FREM1: variants seen among roughly 807,000 people sequenced by gnomAD.
The protein encoded by FREM1 is FRAS1-related extracellular matrix protein 1.
Under a neutral mutation model 210.1 loss-of-function variants are expected in FREM1, and 220 were observed. The ratio of observed to expected loss-of-function variants is 1.05; its 90% CI spans 0.94 to 1.17. The LOEUF is 1.17. FREM1 is among the 50% of genes most tolerant of loss of function. The pLI, the probability that FREM1 is intolerant of heterozygous loss-of-function variation, is 0.00. For missense variants in FREM1, 3,454 were observed against 2,675.5 expected, an observed-to-expected ratio of 1.29 and a Z score of -6.42; for synonymous variants, 1,189 against 980.2, an observed-to-expected ratio of 1.21 and a Z score of -3.98.
At chr9:14,793,148 T>C (rs1851722624) in intron 21 of FREM1, among the ~76,000 whole-genome samples, 1 of 152,232 alleles carries the variant, frequency 6.6e-6, no homozygotes, top group African/African-American at 2.4e-5. Flanking sequence ...TACCAAACTT[T>C]ACAATTTTGT....
In FREM1 at chr9:14,737,851, T is replaced by A. The variant is rs80244712; in HGVS notation, c.6341-256A>T. 4.3e-3 allele frequency among the ~76,000 whole-genome samples: 656 copies of A among 152,316 alleles called. 3 individuals carry two copies. The highest frequency in any genetic ancestry group is 0.014 in the African/African-American group (599 of 41,568). On this transcript the variant is annotated intron_variant, in intron 36 of 36. Transcript: ENST00000380880. The stretch of plus-strand genomic sequence containing the variant: ...CTCTCTGAGTTTCAGTTTCCTCATC[T>A]AAGGAATGGGCATAAAAATAGTACA...
At chr9:14,881,193 C>A (rs139025416) in intron 1 of FREM1, among the ~76,000 whole-genome samples, 83 of 152,302 alleles carry the variant, frequency 5.4e-4, no homozygotes, top group African/African-American at 1.9e-3. Context: ...TGAAACCCCA[C>A]GGATATCTTG....
chr9:14,894,746 T>C (rs894596076), intron 1 of FREM1, among the ~76,000 whole-genome samples: 2 of 152,250 alleles, frequency 1.3e-5, no homozygotes, highest in African/African-American at 4.8e-5. Flanking sequence ...AGCATGTTTG[T>C]TTCTCTCTAC....
At chr9:14,830,686 T>C (rs1823394048) in intron 10 of FREM1, among the ~76,000 whole-genome samples, 1 of 152,174 alleles carries the variant, frequency 6.6e-6, no homozygotes, top group African/African-American at 2.4e-5. Context: ...TTCTGTCTTC[T>C]CCCTTCCTTC....
At chr9:14,846,298 G>T (rs968450795) in intron 7 of FREM1, among the ~76,000 whole-genome samples, 3 of 152,168 alleles carry the variant, frequency 2.0e-5, no homozygotes, top group African/African-American at 7.2e-5. Flanking sequence ...TCATAAGTGG[G>T]AGCTGAACAA....
Position 14,801,666 on chromosome 9 carries a change from T to A in FREM1, c.3680A>T (p.Glu1227Val). Residue 1227 changes from glutamate to valine, a missense_variant, in exon 20 of 37, where the codon GAA becomes GTA. Physicochemically the swap from Glu to Val is moderately radical, Grantham distance 121. Coordinates refer to ENST00000380880, the MANE Select transcript of FREM1 (RefSeq NM_001379081.2). The stretch of plus-strand genomic sequence containing the variant: ...ACATGCTATACCAGTCTTGAGGAGT[T>A]CCATGGAAAAGCTGTGAACAGGTGC... ...KHAPVHSFSM[E>V]LLKTGMRLTY... 6.2e-7 allele frequency: 1 copy of A among 1,611,390 alleles called. No homozygotes were observed. Among genetic ancestry groups the A allele is most frequent in the Non-Finnish European group, 8.5e-7 (1 of 1,177,528 alleles).
chr9:14,822,012 T>C (rs139871991), intron 13 of FREM1, among the ~76,000 whole-genome samples: 2 of 152,272 alleles, frequency 1.3e-5, no homozygotes, highest in Admixed American at 1.3e-4. Flanking sequence ...AACTGAATCA[T>C]AGGGGCAGTT....
At chr9:14,878,801 A>G (rs1834253353) in intron 1 of FREM1, among the ~76,000 whole-genome samples, 1 of 152,184 alleles carries the variant, frequency 6.6e-6, no homozygotes, top group Admixed American at 6.5e-5. Context: ...ACAATGCCTT[A>G]AATTCCCTTA....
At chr9:14,871,470 T>A (rs1832663418) in intron 1 of FREM1, among the ~76,000 whole-genome samples, 1 of 152,196 alleles carries the variant, frequency 6.6e-6, no homozygotes, top group South Asian at 2.1e-4. Context: ...GAAGTGTCTG[T>A]TCATATCCTT....
intron 19 of FREM1, among the ~76,000 whole-genome samples, chr9:14,804,534 G>A (rs1355641768): frequency 6.6e-6 from 1 of 152,140 alleles, no homozygotes; most frequent in Non-Finnish European, 1.5e-5. Flanking sequence ...GCAGTGAGCC[G>A]AGGTCGCGCC....
At chr9:14,773,463 C>A (rs1051404148) in intron 25 of FREM1, among the ~76,000 whole-genome samples, 12 of 152,178 alleles carry the variant, frequency 7.9e-5, no homozygotes, top group Non-Finnish European at 1.8e-4. Context: ...AGGCAAGACA[C>A]TGAGTGTCAT....
intron 10 of FREM1, among the ~76,000 whole-genome samples, chr9:14,829,697 T>C (rs1823177419): frequency 6.6e-6 from 1 of 152,190 alleles, no homozygotes; most frequent in Non-Finnish European, 1.5e-5. Context: ...ATGAGCCAAA[T>C]AAATTTCTAT....
At chr9:14,811,228 T>G (rs1213814656) in intron 16 of FREM1, among the ~76,000 whole-genome samples, 1 of 150,194 alleles carries the variant, frequency 6.7e-6, no homozygotes, top group Admixed American at 6.7e-5. Flanking sequence ...TGCCCCAATG[T>G]CCTACTGGGT....
At position 14,770,719 on chromosome 9, in the gene FREM1, T is replaced by C. The variant is rs199891537; in HGVS notation, c.4945A>G (p.Ile1649Val). ...VGLLKNGCYG[I>V]YITSRVLKAS... The stretch of plus-strand genomic sequence containing the variant: ...TTCAACACGCGGGAAGTGATGTAAA[T>C]CCCGTAGCAGCCATTTTTCAGGAGC... Residue 1649 changes from isoleucine to valine, a missense_variant, in exon 26 of 37, where the codon ATT (isoleucine) becomes GTT (valine). By Grantham distance (29) the Ile-to-Val change is conservative. Transcript: ENST00000380880. 524 of 1,613,290 alleles carry C rather than the reference T, an allele frequency of 3.2e-4. No homozygotes were observed. Among genetic ancestry groups the C allele is most frequent in the Middle Eastern group, 1.5e-3 (9 of 6,062 alleles).
intron 13 of FREM1, among the ~76,000 whole-genome samples, chr9:14,821,816 C>T (rs1332433691): frequency 4.6e-5 from 7 of 152,228 alleles, no homozygotes; most frequent in Non-Finnish European, 1.0e-4. Flanking sequence ...TTTATTAGAT[C>T]TGCCAGAGTT....
intron 1 of FREM1, among the ~76,000 whole-genome samples, chr9:14,872,132 G>T (rs1832788107): frequency 6.6e-6 from 1 of 152,148 alleles, no homozygotes; most frequent in South Asian, 2.1e-4. Context: ...TTTGGCTTAG[G>T]ATTGACTTGG....
At chr9:14,739,571 T>G (rs1377058278) in intron 36 of FREM1, among the ~76,000 whole-genome samples, 2 of 147,424 alleles carry the variant, frequency 1.4e-5, no homozygotes, top group African/African-American at 4.9e-5. Context: ...TAATATATAT[T>G]TATATTTATA....
rs771800252 is a variant in FREM1, at chr9:14,784,548, C to T, written c.4264G>A (p.Gly1422Arg). 3.3e-5 allele frequency: 54 copies of T among 1,613,358 alleles called. No individual in the cohort carries two copies. The highest frequency in any genetic ancestry group is 1.6e-4 in the Middle Eastern group (1 of 6,078). Reference protein sequence around the residue: ...LTTTTLLAVDGTDKPEELLYV... With the variant: ...LTTTTLLAVDRTDKPEELLYV... ...AGCAGTTCCTCAGGCTTGTCTGTTC[C>T]GTCCACAGCCAGGAGCGTGGTGGTT... Residue 1422 changes from glycine to arginine, a missense_variant, in exon 24 of 37, where the codon GGA becomes AGA. Physicochemically the swap from Gly to Arg is moderately radical, Grantham distance 125. Transcript: ENST00000380880.
intron 29 of FREM1, among the ~76,000 whole-genome samples, chr9:14,753,760 G>T (rs956857538): frequency 7.2e-5 from 11 of 152,308 alleles, no homozygotes; most frequent in Admixed American, 6.5e-4. Flanking sequence ...ATATTTACTG[G>T]ACCTGTGGAC....
Sources: allele counts gnomAD v4.1 joint callset (sites outside exome capture counted in the v4.1 genomes callset), GRCh38; gene constraint gnomAD v4.1.1; transcripts MANE v1.5; gene names NCBI Gene and HGNC (gene_info 2026-07-23, HGNC 2026-07-21).